Variants in DEF6 observed in about 807,000 individuals in gnomAD.
DEF6 encodes the protein differentially expressed in FDCP 6 homolog.
In DEF6, 32 loss-of-function variants were observed where a neutral mutation model predicts 80.5. The observed-to-expected ratio is 0.40, with a 90% CI of 0.30 to 0.53. DEF6 has a LOEUF of 0.53. DEF6 is among the 20% of genes least tolerant of loss of function. DEF6 has a pLI of 0.57. For synonymous variants in DEF6, 300 were observed against 337.9 expected (o/e 0.89, Z 1.23); for missense variants, 575 against 818.7 (o/e 0.70, Z 3.63).
At position 35,312,718 on chromosome 6, in the gene DEF6, A is replaced by C; in HGVS notation, c.753A>C (p.Glu251Asp). 1 of 1,613,210 alleles carries C rather than the reference A, an allele frequency of 6.2e-7. No homozygotes were observed. Among genetic ancestry groups the C allele is most frequent in the Non-Finnish European group, 8.5e-7 (1 of 1,179,618 alleles). Reference sequence around the variant, plus strand: ...GCTGCCTCTGCTACTTTGGGAGTGAAGAGTGCAAAGAGAAAAGGGGCATTA... The same window carrying C: ...GCTGCCTCTGCTACTTTGGGAGTGACGAGTGCAAAGAGAAAAGGGGCATTA... Reference protein sequence around the residue: ...QPSCLCYFGSEECKEKRGIIP... With the variant: ...QPSCLCYFGSDECKEKRGIIP... The change falls in exon 5 of 11, where the codon GAA (glutamate) becomes GAC (aspartate). Residue 251 changes from glutamate (E) to aspartate (D), a missense_variant. Glu to Asp is a conservative substitution (Grantham distance 45, BLOSUM62 2). Transcript: ENST00000316637. This position sits in a 1 kb window ranked among gnomAD's most constrained non-coding sequence, Gnocchi z 6.6.
chr6:35,316,464 C>A (rs886553070), intron 5 of DEF6, among the ~76,000 whole-genome samples: 1 of 152,196 alleles, frequency 6.6e-6, no homozygotes, highest in African/African-American at 2.4e-5. Context: ...TAAAAGTGGG[C>A]ATCCTTGTCT....
Position 35,321,425 on chromosome 6 carries a change from T to C in DEF6, c.*15T>C. 1 of 1,604,606 alleles carries C rather than the reference T, an allele frequency of 6.2e-7. No homozygotes were observed. The highest frequency in any genetic ancestry group is 1.1e-5 in the South Asian group (1 of 90,764). ...CAGAAAATTAGCCTCTCTTAGCCCC[T>C]TGTTCTTCCCAATGTCATATCCACC... On this transcript the variant is annotated 3_prime_UTR_variant, in exon 11 of 11. Coordinates refer to ENST00000316637, the MANE Select transcript of DEF6 (RefSeq NM_022047.4).
rs1393188852 is a variant in DEF6 at position 35,318,896 on chromosome 6, G to A, written c.1215+425G>A. Among the ~76,000 whole-genome samples, 1 of 152,160 alleles carries A rather than the reference G, an allele frequency of 6.6e-6. No homozygotes were observed. The highest frequency in any genetic ancestry group is 1.5e-5 in the Non-Finnish European group (1 of 68,024). ...CGGGACGCGTATGGAGGCGGACTAG[G>A]TGTGCAGAGGCAATTAGATTTAGGA... On this transcript the variant is annotated intron_variant, in intron 7 of 10. Transcript: ENST00000316637. This position sits in a 1 kb window ranked among gnomAD's most constrained non-coding sequence, Gnocchi z 5.1.
chr6:35,301,385 C>T (rs1376094848), intron 1 of DEF6, among the ~76,000 whole-genome samples: 2 of 152,164 alleles, frequency 1.3e-5, no homozygotes, highest in East Asian at 1.9e-4. Context: ...CCGTACTGCT[C>T]CCCATCTGGG....
chr6:35,309,465 T>C (rs1435015596), intron 1 of DEF6, among the ~76,000 whole-genome samples: 2 of 152,190 alleles, frequency 1.3e-5, no homozygotes, highest in African/African-American at 4.8e-5. Flanking sequence ...GTAGTTGTTA[T>C]GGTGGTTAAG....
intron 5 of DEF6, among the ~76,000 whole-genome samples, chr6:35,315,897 C>T (rs1278050330): frequency 2.0e-5 from 2 of 98,532 alleles, no homozygotes; most frequent in African/African-American, 8.6e-5. Flanking sequence ...TTGCTTTTAT[C>T]GCCCAGGCTG....
intron 1 of DEF6, among the ~76,000 whole-genome samples, chr6:35,302,500 C>T (rs917430387): frequency 6.6e-6 from 1 of 152,150 alleles, no homozygotes; most frequent in South Asian, 2.1e-4. Flanking sequence ...GGACCTGACA[C>T]CCACACTTGA....
chr6:35,315,889 G>C (rs2150388251), intron 5 of DEF6, among the ~76,000 whole-genome samples: 1 of 101,622 alleles, frequency 9.8e-6, no homozygotes, highest in East Asian at 3.0e-4. Context: ...GAGGAGTCTT[G>C]CTTTTATCGC....
intron 1 of DEF6, among the ~76,000 whole-genome samples, chr6:35,304,385 C>A (rs1261275486): frequency 6.6e-6 from 1 of 152,164 alleles, no homozygotes; most frequent in African/African-American, 2.4e-5. Context: ...GAGAAGGTGT[C>A]ATCTAAGTAA....
intron 1 of DEF6, among the ~76,000 whole-genome samples, chr6:35,308,052 A>G (rs1433360669): frequency 6.6e-6 from 1 of 152,232 alleles, no homozygotes; most frequent in African/African-American, 2.4e-5. Flanking sequence ...TCACAATCCA[A>G]CGGAGGAGGG....
rs1222962718 is a variant in DEF6, at chr6:35,319,973, G to A, written c.1537G>A (p.Glu513Lys). The A allele has an allele frequency of 6.4e-7, 1 of 1,565,594 alleles. No individual in the cohort carries two copies. The highest frequency in any genetic ancestry group is 1.9e-5 in the Admixed American group (1 of 51,440). The change falls in exon 9 of 11, where the codon GAG becomes AAG. Residue 513 changes from glutamate to lysine, a missense_variant. Glu to Lys is a moderately conservative substitution (Grantham distance 56). Transcript: ENST00000316637. This position sits in a 1 kb window ranked among gnomAD's most constrained non-coding sequence, Gnocchi z 4.5. ...CCTGCAGCAGGCCCAGCAGCAGCTG[G>A]AGGAGGTGCGGCAGAACCGGCAGAG... is the stretch of plus-strand genomic sequence containing the variant. ...RSLQQAQQQL[E>K]EVRQNRQRAD...
chr6:35,320,043 G>T (rs762998293), intron 9 of DEF6, 26 bp downstream of exon 9: 29 of 1,550,240 alleles, frequency 1.9e-5, no homozygotes, highest in Non-Finnish European at 2.4e-5. Flanking sequence ...GGATGGGGTG[G>T]AGGCTGGCAG....
chr6:35,303,337 A>G (rs1342622701), intron 1 of DEF6, among the ~76,000 whole-genome samples: 1 of 152,118 alleles, frequency 6.6e-6, no homozygotes, highest in Non-Finnish European at 1.5e-5. Context: ...GGGCATTCAT[A>G]GGTCCTCTCC....
Position 35,319,948 on chromosome 6 carries a change from C to A in DEF6, c.1512C>A (p.Ser504=). 1 of 1,567,362 alleles carries A rather than the reference C, an allele frequency of 6.4e-7. No homozygotes were observed. Among genetic ancestry groups the A allele is most frequent in the East Asian group, 2.3e-5 (1 of 42,924 alleles). ...AGGAGATGGCACAGCAGAGCCGCTC[C>A]CTGCAGCAGGCCCAGCAGCAGCTGG... is the stretch of plus-strand genomic sequence containing the variant. ...LQQEMAQQSR[S]LQQAQQQLEE... is the part of the protein sequence containing the mutation. Residue 504 remains serine (S), a synonymous_variant, in exon 9 of 11, where the codon TCC becomes TCA. Coordinates refer to ENST00000316637, the MANE Select transcript of DEF6 (RefSeq NM_022047.4). The surrounding 1 kb of genome is among the most constrained non-coding windows in gnomAD (Gnocchi z 4.5).
chr6:35,312,854 G>A lies in DEF6; in HGVS notation c.807+82G>A, dbSNP rs1791485632. The A allele has an allele frequency of 6.8e-7, 1 of 1,469,188 alleles. No homozygotes were observed. The highest frequency in any genetic ancestry group is 2.4e-5 in the East Asian group (1 of 41,188). The allele number at this position is 1,469,188 out of a possible 1,614,324, so 91.0% of individuals were successfully genotyped here. ...ATGAGAAGACAAGGGGGTCAGGAGA[G>A]GGGCAAATGGAGAAAAGCCACAGTG... On this transcript the variant is annotated intron_variant, in intron 5 of 10. Transcript: ENST00000316637. This position sits in a 1 kb window ranked among gnomAD's most constrained non-coding sequence, Gnocchi z 6.6.
intron 1 of DEF6, among the ~76,000 whole-genome samples, chr6:35,300,287 G>C (rs1261694698): frequency 1.3e-5 from 2 of 152,152 alleles, no homozygotes; most frequent in Non-Finnish European, 2.9e-5. Context: ...TCTGCCTCCT[G>C]AGTAGCTGGA....
intron 5 of DEF6, among the ~76,000 whole-genome samples, chr6:35,315,157 G>A (rs973929797): frequency 6.6e-6 from 1 of 152,160 alleles, no homozygotes; most frequent in Non-Finnish European, 1.5e-5. Context: ...GTACTATGCT[G>A]ATTTGGTTAC....
chr6:35,317,796 A>C, intron 5 of DEF6, 95 bp from the exon 6 acceptor site: 1 of 1,041,992 alleles, frequency 9.6e-7, no homozygotes, highest in Non-Finnish European at 1.4e-6. Context: ...GAAGATAGCC[A>C]GGAGGGCTAG....
In DEF6 at chr6:35,310,468, G is replaced by A. The variant is rs1418018829; in HGVS notation, c.247G>A (p.Gly83Arg). The change falls in exon 3 of 11, where the codon GGG (glycine) becomes AGG (arginine). Residue 83 changes from glycine to arginine, a missense_variant. Transcript: ENST00000316637. ...GCAGCCCTGGTGGCAGGTGGAGGAG[G>A]GGGCTTTTGTTAAAGAGCACTTTGA... ...NKYILDKVEE[G>R]AFVKEHFDEL... 1.2e-6 allele frequency: 2 copies of A among 1,613,720 alleles called. No individual in the cohort carries two copies. The highest frequency in any genetic ancestry group is 1.7e-5 in the Admixed American group (1 of 60,022).
Sources: allele counts gnomAD v4.1 joint callset (sites outside exome capture counted in the v4.1 genomes callset), GRCh38; gene constraint gnomAD v4.1.1; non-coding constraint Gnocchi (gnomAD v3.1); transcripts MANE v1.5; gene names NCBI Gene and HGNC (gene_info 2026-07-23, HGNC 2026-07-21).